Variants in CARS1 observed in about 807,000 individuals in gnomAD.
The protein encoded by CARS1 is cysteine--tRNA ligase, cytoplasmic.
A neutral mutation model predicts 106.2 loss-of-function variants in CARS1; 48 were observed. The observed-to-expected ratio is 0.45, with a 90% CI of 0.36 to 0.57. CARS1 has a LOEUF of 0.57. Ranked by LOEUF, CARS1 falls within the 20% of genes least tolerant of loss-of-function variation. The pLI is 0.00. For synonymous variants in CARS1, 409 were observed against 403.4 expected, an observed-to-expected ratio of 1.01 and a Z score of -0.17; for missense variants, 968 against 1,057.2, an observed-to-expected ratio of 0.92 and a Z score of 1.17.
chr11:3,042,661 G>C (rs1854635184), intron 2 of CARS1, among the ~76,000 whole-genome samples: 1 of 152,180 alleles, frequency 6.6e-6, no homozygotes, highest in African/African-American at 2.4e-5. Flanking sequence ...GCCCCTTTCT[G>C]GCAGTGAGCA....
chr11:3,055,043 T>C (rs1441897112), intron 1 of CARS1: 2 of 691,992 alleles, frequency 2.9e-6, no homozygotes, highest in Non-Finnish European at 2.6e-6. Flanking sequence ...GGAAAAGCTG[T>C]ACACCCAGTG....
chr11:3,032,742 T>G (rs114035134), intron 7 of CARS1, among the ~76,000 whole-genome samples: 439 of 149,072 alleles, frequency 2.9e-3, no homozygotes, highest in African/African-American at 0.01. Flanking sequence ...CTGTCAGGAG[T>G]TGGGGTGGGG....
Position 3,040,698 on chromosome 11 carries a change from G to A in CARS1, c.455+198C>T. The A allele has an allele frequency of 2.9e-6, 2 of 694,042 alleles. No homozygotes were observed. Among genetic ancestry groups the A allele is most frequent in the South Asian group, 3.1e-5 (2 of 63,968 alleles). The allele number at this position is 694,042 out of a possible 1,614,324, so 43.0% of individuals were successfully genotyped here. A position where few individuals can be genotyped will look rare whatever the true frequency, so the allele number is the denominator to read the frequency against. On this transcript the variant is annotated intron_variant, in intron 4 of 22. Transcript: ENST00000380525. The surrounding 1 kb of genome is among the most constrained non-coding windows in gnomAD (Gnocchi z 5.8). ...TTTGGTGATCTGTAGTCTTTCTGCA[G>A]TGAATATAGATTACTTATGGCATTA... is the stretch of plus-strand genomic sequence containing the variant.
chr11:3,012,139 CG>C lies in CARS1; in HGVS notation c.2068+55del, dbSNP rs746085108. Reference sequence around the variant, plus strand: ...AGTGCCTCGGGGGAGACGCCCGGTCCGGGGAGCCCAGTGAGGGGAGTGGCTC... The same window carrying C: ...AGTGCCTCGGGGGAGACGCCCGGTCCGGGAGCCCAGTGAGGGGAGTGGCTC... On this transcript the variant is annotated intron_variant, in intron 18 of 22. Coordinates refer to ENST00000380525, the MANE Select transcript of CARS1 (RefSeq NM_001014437.3). 1.0e-5 allele frequency: 15 copies of C among 1,486,072 alleles called. No individual in the cohort carries two copies. The South Asian group carries it at 1.4e-4, about 13-fold the overall frequency. 92.1% of individuals were successfully genotyped at this position (1,486,072 alleles called of 1,614,324 possible).
Position 3,020,139 on chromosome 11 carries a change from G to A in CARS1, c.1266+81C>T, listed in dbSNP as rs547942433. ...TGACAACATCCTTCACACACAGAGC[G>A]GCCCTCTGCTGGGGGCCTGAGAGTG... On this transcript the variant is annotated intron_variant, in intron 11 of 22. Coordinates refer to ENST00000380525, the MANE Select transcript of CARS1 (RefSeq NM_001014437.3). This position sits in a 1 kb window ranked among gnomAD's most constrained non-coding sequence, Gnocchi z 4.6. The A allele has an allele frequency of 6.8e-5, 58 of 847,484 alleles. No homozygotes were observed. Among genetic ancestry groups the A allele is most frequent in the Admixed American group, 4.7e-4 (27 of 58,052 alleles). 52.5% of individuals were successfully genotyped at this position (847,484 alleles called of 1,614,324 possible). A position where few individuals can be genotyped will look rare whatever the true frequency, so the allele number is the denominator to read the frequency against.
chr11:3,041,086 T>A lies in CARS1; in HGVS notation c.367-102A>T. On this transcript the variant is annotated intron_variant, in intron 3 of 22. Transcript: ENST00000380525. This position sits in a 1 kb window ranked among gnomAD's most constrained non-coding sequence, Gnocchi z 4.9. ...ACATCACAGTGTGGTTTGTGTTTAGTGTAAACAATTCAACAGAGACCATTT... is the reference window on the plus strand; with the variant it reads ...ACATCACAGTGTGGTTTGTGTTTAGAGTAAACAATTCAACAGAGACCATTT... The A allele has an allele frequency of 6.3e-7, 1 of 1,584,214 alleles. No homozygotes were observed. Among genetic ancestry groups the A allele is most frequent in the Non-Finnish European group, 8.6e-7 (1 of 1,159,840 alleles).
rs1852605165 is a variant in CARS1, at chr11:3,030,421, C to T, written c.802-978G>A. 1 of 152,252 alleles carries T rather than the reference C, an allele frequency of 6.6e-6. No individual in the cohort carries two copies. Among genetic ancestry groups the T allele is most frequent in the African/African-American group, 2.4e-5 (1 of 41,460 alleles). 9.4% of individuals were successfully genotyped at this position (152,252 alleles called of 1,614,324 possible). On this transcript the variant is annotated intron_variant, in intron 7 of 22. Transcript: ENST00000380525. This position sits in a 1 kb window ranked among gnomAD's most constrained non-coding sequence, Gnocchi z 5.7. ...TGCAGGAATGAGCACACCCTCCCCACCGCGGCAGGGCATCCAGTGGGCAGA... is the reference window on the plus strand; with the variant it reads ...TGCAGGAATGAGCACACCCTCCCCATCGCGGCAGGGCATCCAGTGGGCAGA...
In CARS1 at chr11:3,029,147, C is replaced by T. The variant is rs915678885; in HGVS notation, c.943-63G>A. The T allele has an allele frequency of 1.8e-5, 26 of 1,448,872 alleles. 1 individual carries two copies. Among genetic ancestry groups the T allele is most frequent in the Admixed American group, 1.0e-4 (6 of 58,792 alleles). The allele number at this position is 1,448,872 out of a possible 1,614,324, so 89.8% of individuals were successfully genotyped here. On this transcript the variant is annotated intron_variant, in intron 8 of 22. Transcript: ENST00000380525. This position sits in a 1 kb window ranked among gnomAD's most constrained non-coding sequence, Gnocchi z 5.9. ...CTGAAAACCACGCGCTCCATAAAAA[C>T]GTTCCCAATTCATAAAACGAAAAGC...
chr11:3,008,324 A>C lies in CARS1; in HGVS notation c.2069-1365T>G, dbSNP rs1413190842. ...CACACCTTCATTCACTGCTAGATAA[A>C]ATATTCACATATCCGGGCAGGCACG... On this transcript the variant is annotated intron_variant, in intron 18 of 22. Transcript: ENST00000380525. The surrounding 1 kb of genome is among the most constrained non-coding windows in gnomAD (Gnocchi z 5.1). 2.0e-5 allele frequency: 3 copies of C among 152,248 alleles called. No homozygotes were observed. The highest frequency in any genetic ancestry group is 4.4e-5 in the Non-Finnish European group (3 of 68,088). The allele number at this position is 152,248 out of a possible 1,614,324, so 9.4% of individuals were successfully genotyped here.
intron 18 of CARS1, among the ~76,000 whole-genome samples, chr11:3,010,554 C>T (rs891312756): frequency 6.6e-6 from 1 of 152,340 alleles, no homozygotes; most frequent in African/African-American, 2.4e-5. Context: ...AGGGCAAGTG[C>T]GCCCACCGCT....
chr11:3,012,945 A>G (rs1850627878), intron 17 of CARS1, among the ~76,000 whole-genome samples: 1 of 143,140 alleles, frequency 7.0e-6, no homozygotes, highest in Non-Finnish European at 1.5e-5. Context: ...GCTGGAGTGC[A>G]ATGGTGTGAT....
intron 9 of CARS1, chr11:3,027,935 C>T (rs1032020151): frequency 1.7e-4 from 75 of 446,042 alleles, no homozygotes; most frequent in Non-Finnish European, 3.0e-4. Flanking sequence ...TTGTGGAGGG[C>T]CTGACATGAG....
Position 3,003,742 on chromosome 11 carries a change from C to T in CARS1, c.2218-1142G>A, listed in dbSNP as rs1292898058. 2.0e-5 allele frequency among the ~76,000 whole-genome samples: 3 copies of T among 152,110 alleles called. No homozygotes were observed. The highest frequency in any genetic ancestry group is 4.8e-5 in the African/African-American group (2 of 41,408). Reference sequence around the variant, plus strand: ...TTGGAGGAACCAGAGACACAGTGCTCAGGATTTCTGCTTTTTCCCTTTAAA... The same window carrying T: ...TTGGAGGAACCAGAGACACAGTGCTTAGGATTTCTGCTTTTTCCCTTTAAA... On this transcript the variant is annotated intron_variant, in intron 20 of 22. Coordinates refer to ENST00000380525, the MANE Select transcript of CARS1 (RefSeq NM_001014437.3). This position sits in a 1 kb window ranked among gnomAD's most constrained non-coding sequence, Gnocchi z 4.8.
At chr11:3,011,668 G>A (rs986580021) in intron 18 of CARS1, among the ~76,000 whole-genome samples, 5 of 152,150 alleles carry the variant, frequency 3.3e-5, no homozygotes, top group Admixed American at 2.0e-4. Flanking sequence ...ACAGTGAGGG[G>A]CCACTGTGTG....
In CARS1 at chr11:3,018,500, G is replaced by A. The variant is rs1385451769; in HGVS notation, c.1537C>T (p.Arg513Trp). 2.5e-6 allele frequency: 4 copies of A among 1,613,844 alleles called. No homozygotes were observed. Among genetic ancestry groups the A allele is most frequent in the Admixed American group, 1.7e-5 (1 of 60,006 alleles). ...ALKKHSARQLRLAFLMHSWKD... is the reference protein window; with the variant it reads ...ALKKHSARQLWLAFLMHSWKD... The stretch of plus-strand genomic sequence containing the variant: ...CACGAGTGCATGAGGAAGGCCAGCC[G>A]CAACTGCCGTGCTGTGGGGGGACAC... Residue 513 changes from arginine to tryptophan, a missense_variant, in exon 14 of 23, where the codon CGG becomes TGG. Transcript: ENST00000380525.
chr11:3,033,494 T>C (rs1042597123), intron 7 of CARS1, among the ~76,000 whole-genome samples: 1 of 152,204 alleles, frequency 6.6e-6, no homozygotes, highest in Non-Finnish European at 1.5e-5. Context: ...TTTTAGGTAA[T>C]TACTTCTAGA....
At position 3,041,738 on chromosome 11, in the gene CARS1, C is replaced by T. The variant is rs1257959809; in HGVS notation, c.366+427G>A. Among the ~76,000 whole-genome samples the T allele has an allele frequency of 1.3e-5, 2 of 152,240 alleles. No homozygotes were observed. The highest frequency in any genetic ancestry group is 2.4e-5 in the African/African-American group (1 of 41,474). ...TGTTAGGAACCAATCCTGCCTTCTT[C>T]TCAAAACCTGCTGTGCTCCCAACAA... is the stretch of plus-strand genomic sequence containing the variant. On this transcript the variant is annotated intron_variant, in intron 3 of 22. Transcript: ENST00000380525. The surrounding 1 kb of genome is among the most constrained non-coding windows in gnomAD (Gnocchi z 4.9).
At chr11:3,011,280 T>A (rs1373289038) in intron 18 of CARS1, among the ~76,000 whole-genome samples, 1 of 152,132 alleles carries the variant, frequency 6.6e-6, no homozygotes, top group Non-Finnish European at 1.5e-5. Flanking sequence ...ACTTTCTAAG[T>A]CTTAAACCAC....
At position 3,050,192 on chromosome 11, in the gene CARS1, A is replaced by G. The variant is rs1242251645; in HGVS notation, c.26-2191T>C. On this transcript the variant is annotated intron_variant, in intron 1 of 22. Transcript: ENST00000380525. This position sits in a 1 kb window ranked among gnomAD's most constrained non-coding sequence, Gnocchi z 6.3. ...GAGCCTTCCTGAAGTCTCAACATGG[A>G]TGCAGGGCTTAAAATGGCTTCCTGG... 1.3e-5 allele frequency among the ~76,000 whole-genome samples: 2 copies of G among 152,152 alleles called. No homozygotes were observed. Among genetic ancestry groups the G allele is most frequent in the African/African-American group, 4.8e-5 (2 of 41,434 alleles).
Sources: gnomAD v4.1 joint callset for allele counts (sites outside exome capture counted in the v4.1 genomes callset) on GRCh38, gnomAD v4.1.1 for gene constraint, Gnocchi (gnomAD v3.1) non-coding constraint, MANE v1.5 for transcripts, NCBI Gene and HGNC (gene_info 2026-07-23, HGNC 2026-07-21) for gene names.